Variants in CCDC192 observed in about 807,000 individuals in gnomAD.
CCDC192 encodes coiled-coil domain containing 192.
At chr5:127,751,014 A>C (rs1157878206) in intron 2 of CCDC192, among the ~76,000 whole-genome samples, 3 of 146,378 alleles carry the variant, frequency 2.0e-5, no homozygotes, top group African/African-American at 7.6e-5. Context: ...GTGTCTCTGC[A>C]CGTGAGATGG....
intron 5 of CCDC192, among the ~76,000 whole-genome samples, chr5:127,821,769 AT>A (rs1749303851): frequency 6.6e-6 from 1 of 152,136 alleles, no homozygotes; most frequent in Non-Finnish European, 1.5e-5. Context: ...GTAGGTGACT[AT>A]TTCTTCCATG....
intron 6 of CCDC192, among the ~76,000 whole-genome samples, chr5:127,925,970 C>T (rs537844834): frequency 6.7e-4 from 102 of 152,204 alleles, no homozygotes; most frequent in African/African-American, 2.3e-3. Context: ...TCAGGCAGCC[C>T]CCAGAATCAC....
rs563061439 is a variant in CCDC192 at position 127,716,908 on chromosome 5, T to C, written c.114+9148T>C. On this transcript the variant is annotated intron_variant, in intron 2 of 6. Coordinates refer to ENST00000514853, the MANE Select transcript of CCDC192 (RefSeq NM_001317938.2). ...CTTACTTTATAGGGGCCATCTCCAA[T>C]AAGCCTTCTGCAGCAAAATCTTTCA... Among the ~76,000 whole-genome samples, 27 of 152,328 alleles carry C rather than the reference T, an allele frequency of 1.8e-4. 2 individuals are homozygous for C. The South Asian group carries it at 5.6e-3, about 32-fold the overall frequency.
At chr5:127,827,979 T>C (rs984813550) in intron 5 of CCDC192, among the ~76,000 whole-genome samples, 4 of 152,174 alleles carry the variant, frequency 2.6e-5, no homozygotes, top group Non-Finnish European at 1.5e-5. Flanking sequence ...CGATCTCTGC[T>C]CACTGCAACC....
At chr5:127,732,090 A>C (rs1315633453) in intron 2 of CCDC192, among the ~76,000 whole-genome samples, 1 of 152,152 alleles carries the variant, frequency 6.6e-6, no homozygotes, top group Non-Finnish European at 1.5e-5. Flanking sequence ...AATTTTTTGC[A>C]ATCTATTCAT....
chr5:127,919,668 T>C (rs1455215257), intron 6 of CCDC192, among the ~76,000 whole-genome samples: 1 of 152,224 alleles, frequency 6.6e-6, no homozygotes, highest in East Asian at 1.9e-4. Context: ...TGGATTTTGC[T>C]ACTCCATAGG....
chr5:127,923,765 A>C (rs1429355993), intron 6 of CCDC192, among the ~76,000 whole-genome samples: 2 of 152,210 alleles, frequency 1.3e-5, no homozygotes, highest in Non-Finnish European at 2.9e-5. Flanking sequence ...TACATGCACA[A>C]AAATATGAGG....
At chr5:127,727,547 C>T (rs1752402219) in intron 2 of CCDC192, among the ~76,000 whole-genome samples, 1 of 151,906 alleles carries the variant, frequency 6.6e-6, no homozygotes, top group Non-Finnish European at 1.5e-5. Flanking sequence ...AAAGTCCCCA[C>T]AAAAACCCCA....
At chr5:127,721,255 G>A (rs780310216) in intron 2 of CCDC192, among the ~76,000 whole-genome samples, 7 of 152,138 alleles carry the variant, frequency 4.6e-5, no homozygotes, top group Non-Finnish European at 7.4e-5. Flanking sequence ...ACCAGCCAGC[G>A]CATATCTTGA....
At chr5:127,862,583 A>G (rs1172202780) in intron 5 of CCDC192, among the ~76,000 whole-genome samples, 1 of 152,240 alleles carries the variant, frequency 6.6e-6, no homozygotes, top group Non-Finnish European at 1.5e-5. Context: ...GAGCATGCGT[A>G]TTTTTAAGAA....
At chr5:127,756,110 G>GCGA (rs991077883) in intron 3 of CCDC192, among the ~76,000 whole-genome samples, 1 of 151,762 alleles carries the variant, frequency 6.6e-6, no homozygotes, top group Non-Finnish European at 1.5e-5. Flanking sequence ...TCCAGCCTGG[G>GCGA]CGACAGAGCC....
intron 6 of CCDC192, among the ~76,000 whole-genome samples, chr5:127,932,003 A>C (rs1205626123): frequency 6.6e-6 from 1 of 151,700 alleles, no homozygotes; most frequent in African/African-American, 2.4e-5. Flanking sequence ...ACAAAAAAAA[A>C]ATTAGCCGGG....
chr5:127,747,583 T>A (rs1032081017), intron 2 of CCDC192, among the ~76,000 whole-genome samples: 114 of 151,930 alleles, frequency 7.5e-4, no homozygotes, highest in Middle Eastern at 3.4e-3. Flanking sequence ...GCATGTGTCT[T>A]TATAGCAGCA....
intron 2 of CCDC192, among the ~76,000 whole-genome samples, chr5:127,719,504 TAC>T (rs1751850170): frequency 4.2e-5 from 2 of 47,446 alleles, no homozygotes; most frequent in African/African-American, 8.6e-5. Flanking sequence ...TACACACACA[TAC>T]ATATATATAT....
At chr5:127,849,165 G>T (rs1275468486) in intron 5 of CCDC192, among the ~76,000 whole-genome samples, 2 of 152,206 alleles carry the variant, frequency 1.3e-5, no homozygotes, top group Non-Finnish European at 2.9e-5. Flanking sequence ...AAGAGGCAGA[G>T]GTTGCAGTGA....
chr5:127,786,610 G>T, intron 3 of CCDC192: 2 of 744,906 alleles, frequency 2.7e-6, no homozygotes, highest in Admixed American at 1.8e-5. Context: ...TCACATTCAC[G>T]GTGAACCCAG....
At chr5:127,935,390 T>G (rs1445953597) in intron 6 of CCDC192, 1 of 152,212 alleles carries the variant, frequency 6.6e-6, no homozygotes, top group Middle Eastern at 3.2e-3. Context: ...ATTTCTCTGT[T>G]CAATGCATAC....
intron 2 of CCDC192, among the ~76,000 whole-genome samples, chr5:127,753,037 G>T (rs944006469): frequency 3.9e-5 from 6 of 152,150 alleles, no homozygotes; most frequent in African/African-American, 1.4e-4. Flanking sequence ...AGATGAACCC[G>T]GTACCTCAGA....
At chr5:127,754,147 TGA>T (rs568614385) in intron 2 of CCDC192, 119 bp from the exon 3 acceptor site, 1 of 391,980 alleles carries the variant, frequency 2.6e-6, no homozygotes, top group Non-Finnish European at 4.5e-6. Context: ...AGGATTTGTG[TGA>T]GTTTATCAAG....
Sources: allele counts gnomAD v4.1 joint callset (sites outside exome capture counted in the v4.1 genomes callset), GRCh38; gene constraint gnomAD v4.1.1; transcripts MANE v1.5; gene names NCBI Gene and HGNC (gene_info 2026-07-23, HGNC 2026-07-21).